The following MYO16 variants were observed in gnomAD, a reference collection of about 807,000 sequenced individuals.
The protein encoded by MYO16 is unconventional myosin-XVI.
A neutral mutation model predicts 205.3 loss-of-function variants in MYO16; 94 were observed. The observed-to-expected ratio is 0.46, with a 90% CI of 0.39 to 0.54. MYO16 has a LOEUF of 0.54. Ranked by LOEUF, MYO16 falls within the 20% of genes least tolerant of loss-of-function variation. The pLI is 0.00. For synonymous variants in MYO16, 988 were observed against 954.0 expected (o/e 1.04, Z -0.66); for missense variants, 2,315 against 2,387.5 (o/e 0.97, Z 0.63).
chr13:108,883,641 T>G (rs1594368125), intron 13 of MYO16, among the ~76,000 whole-genome samples: 1 of 151,848 alleles, frequency 6.6e-6, no homozygotes, highest in South Asian at 2.1e-4. Context: ...CCTAAACTTT[T>G]TTTTTTTTTT....
At chr13:109,179,784 T>G in intron 34 of MYO16, 151 bp downstream of exon 34, 1 of 567,572 alleles carries the variant, frequency 1.8e-6, no homozygotes, top group Admixed American at 2.9e-5. Flanking sequence ...CTGAATGGTC[T>G]TCTCTCTCCA....
At chr13:109,143,263 G>C (rs1877184936) in intron 32 of MYO16, among the ~76,000 whole-genome samples, 1 of 152,124 alleles carries the variant, frequency 6.6e-6, no homozygotes, top group Admixed American at 6.5e-5. Flanking sequence ...ATCTGAACAA[G>C]TGAAAAGTAG....
intron 16 of MYO16, among the ~76,000 whole-genome samples, chr13:108,947,228 T>C (rs1039867977): frequency 2.3e-4 from 35 of 152,370 alleles, no homozygotes; most frequent in Non-Finnish European, 2.1e-4. Context: ...ATCCTTCCTG[T>C]TGGTGCTGTG....
the MYO16 span, among the ~76,000 whole-genome samples, chr13:108,558,557 G>A: frequency 6.6e-6 from 1 of 152,232 alleles, no homozygotes; most frequent in South Asian, 2.1e-4. Flanking sequence ...CCTGAGGGAA[G>A]TGAGGAGAGG....
At chr13:108,912,416 G>A (rs1881308896) in intron 16 of MYO16, among the ~76,000 whole-genome samples, 1 of 151,864 alleles carries the variant, frequency 6.6e-6, no homozygotes, top group South Asian at 2.1e-4. Flanking sequence ...AAGTTTAGAA[G>A]AAAAAGCTAA....
At chr13:108,648,399 C>T (rs1187601486) in intron 1 of MYO16, among the ~76,000 whole-genome samples, 2 of 152,216 alleles carry the variant, frequency 1.3e-5, no homozygotes, top group East Asian at 1.9e-4. Context: ...TTATCTTCTA[C>T]CTTTTTATGT....
At chr13:108,920,222 A>G (rs1881677530) in intron 16 of MYO16, among the ~76,000 whole-genome samples, 1 of 152,146 alleles carries the variant, frequency 6.6e-6, no homozygotes, top group Admixed American at 6.5e-5. Flanking sequence ...CTGTGTCTGG[A>G]CAAGGAGGCT....
intron 1 of MYO16, among the ~76,000 whole-genome samples, chr13:108,623,070 G>T (rs1879602783): frequency 6.6e-6 from 1 of 152,276 alleles, no homozygotes; most frequent in Admixed American, 6.5e-5. Flanking sequence ...CCATGGGCCT[G>T]GGAGGTAATT....
chr13:109,097,197 C>A (rs147962558), intron 27 of MYO16, among the ~76,000 whole-genome samples: 2 of 152,230 alleles, frequency 1.3e-5, no homozygotes, highest in African/African-American at 4.8e-5. Flanking sequence ...GGCGTGGTGG[C>A]GGGCACCATT....
At chr13:108,642,213 C>T (rs1880533935) in intron 1 of MYO16, among the ~76,000 whole-genome samples, 1 of 152,190 alleles carries the variant, frequency 6.6e-6, no homozygotes, top group Non-Finnish European at 1.5e-5. Flanking sequence ...ACAATCAGCT[C>T]TTACTGAGCC....
At chr13:109,201,121 T>A (rs1399907686) in intron 34 of MYO16, among the ~76,000 whole-genome samples, 1 of 152,186 alleles carries the variant, frequency 6.6e-6, no homozygotes, top group Non-Finnish European at 1.5e-5. Flanking sequence ...TCTACAGTTC[T>A]TGCGTTCTTT....
intron 12 of MYO16, among the ~76,000 whole-genome samples, chr13:108,877,853 C>G (rs1879400219): frequency 6.6e-6 from 1 of 152,150 alleles, no homozygotes. Flanking sequence ...CTCCATCATT[C>G]TCATTATAAT....
chr13:108,738,514 ATTCCTGTTCTTTTACAT>A (rs1452968153), intron 4 of MYO16, among the ~76,000 whole-genome samples: 2 of 152,268 alleles, frequency 1.3e-5, no homozygotes, highest in Admixed American at 1.3e-4. Context: ...GTTTGTTACA[ATTCCTGTTCTTTTACAT>A]TTGCTGAGGA....
intron 28 of MYO16, among the ~76,000 whole-genome samples, chr13:109,108,007 C>T (rs1889172991): frequency 6.6e-6 from 1 of 151,910 alleles, no homozygotes; most frequent in Non-Finnish European, 1.5e-5. Flanking sequence ...ATACAATCTA[C>T]CAGAATTGAA....
intron 18 of MYO16, 70 bp downstream of exon 18, chr13:108,961,726 C>T (rs7997366): frequency 1.6e-5 from 20 of 1,228,302 alleles, no homozygotes; most frequent in Non-Finnish European, 2.0e-5. Context: ...CAGTAGATGG[C>T]GACATAGTAC....
At chr13:109,045,986 A>T (rs112834842) in intron 23 of MYO16, among the ~76,000 whole-genome samples, 1,885 of 142,368 alleles carry the variant, frequency 0.013, 49 homozygotes, top group African/African-American at 0.042. Context: ...GCGAGGAGGC[A>T]AATTCTCCCT....
chr13:109,121,672 G>A (rs1875996716), intron 29 of MYO16, among the ~76,000 whole-genome samples: 2 of 152,204 alleles, frequency 1.3e-5, no homozygotes, highest in Admixed American at 1.3e-4. Flanking sequence ...CCATGCAGGG[G>A]CCTGGCAGGA....
chr13:108,650,882 G>T lies in MYO16; in HGVS notation c.29-15004G>T, dbSNP rs577333870. ...CATCTGGAAACAGCCATAGGAGGCA[G>T]TTCTGATCTTAAAGGGCCAGATTTT... On this transcript the variant is annotated intron_variant, in intron 1 of 34. Coordinates refer to ENST00000457511, the MANE Select transcript of MYO16 (RefSeq NM_001198950.3). 3.3e-5 allele frequency among the ~76,000 whole-genome samples: 5 copies of T among 152,332 alleles called. 1 individual carries two copies. Among genetic ancestry groups the T allele is most frequent in the African/African-American group, 1.2e-4 (5 of 41,588 alleles).
the MYO16 span, among the ~76,000 whole-genome samples, chr13:108,541,852 C>T: frequency 6.6e-6 from 1 of 152,250 alleles, no homozygotes; most frequent in East Asian, 1.9e-4. Flanking sequence ...AACTCTTATA[C>T]ATTGCTGGTA....
Sources: allele counts gnomAD v4.1 joint callset (sites outside exome capture counted in the v4.1 genomes callset), GRCh38; gene constraint gnomAD v4.1.1; transcripts MANE v1.5; gene names NCBI Gene and HGNC (gene_info 2026-07-23, HGNC 2026-07-21).